Variants in CCDC7 observed in about 807,000 individuals in gnomAD.
CCDC7 encodes the protein coiled-coil domain-containing protein 7.
In CCDC7, 183 loss-of-function variants were observed where a neutral mutation model predicts 196.9. The observed-to-expected ratio is 0.93, with a 90% confidence interval of 0.82 to 1.05. CCDC7 has a LOEUF of 1.05. Ranked by LOEUF, CCDC7 falls within the 50% of genes least tolerant of loss-of-function variation. The probability of loss-of-function intolerance (pLI) is 0.00; values close to 1 mark genes in which losing one functional copy is unlikely to be tolerated. For synonymous variants in CCDC7, 525 were observed against 484.6 expected (o/e 1.08, Z -1.10); for missense variants, 1,540 against 1,482.2 (o/e 1.04, Z -0.64).
chr10:32,685,884 T>C (rs1257100073), intron 21 of CCDC7, 86 bp from the exon 23 acceptor site: 2 of 740,864 alleles, frequency 2.7e-6, no homozygotes, highest in Admixed American at 3.1e-5. Flanking sequence ...AATGCTCATG[T>C]AAATGTTTTA....
At chr10:32,500,244 C>T (rs988231769) in intron 9 of CCDC7, among the ~76,000 whole-genome samples, 1 of 150,850 alleles carries the variant, frequency 6.6e-6, no homozygotes, top group Admixed American at 6.6e-5. Flanking sequence ...CCCCCGACCT[C>T]CTGGACGGGG....
intron 13 of CCDC7, among the ~76,000 whole-genome samples, chr10:32,547,832 T>C (rs527253642): frequency 1.3e-5 from 2 of 152,266 alleles, no homozygotes; most frequent in African/African-American, 4.8e-5. Flanking sequence ...GTCCAGGTGG[T>C]ATTTGGTTAC....
chr10:32,834,199 G>A (rs979745714), intron 32 of CCDC7, among the ~76,000 whole-genome samples: 2 of 151,948 alleles, frequency 1.3e-5, no homozygotes, highest in African/African-American at 4.8e-5. Context: ...ACCTGAGAGG[G>A]CACGTTCTAC....
At chr10:32,703,187 G>A (rs2079064322) in intron 24 of CCDC7, among the ~76,000 whole-genome samples, 2 of 152,024 alleles carry the variant, frequency 1.3e-5, no homozygotes, top group African/African-American at 2.4e-5. Flanking sequence ...GCTTCCTTCA[G>A]GAGCTCTTTT....
At chr10:32,778,639 C>T (rs1035155248) in intron 28 of CCDC7, among the ~76,000 whole-genome samples, 3 of 152,106 alleles carry the variant, frequency 2.0e-5, no homozygotes, top group African/African-American at 7.2e-5. Flanking sequence ...GTTCTTTTTG[C>T]TTAGGATTGC....
chr10:32,594,746 G>A (rs998176449), intron 18 of CCDC7, among the ~76,000 whole-genome samples: 2 of 152,138 alleles, frequency 1.3e-5, no homozygotes, highest in African/African-American at 4.8e-5. Flanking sequence ...TTTATTGAGA[G>A]TTTTTAGCAT....
chr10:32,756,572 A>C (rs2076487005), intron 28 of CCDC7, among the ~76,000 whole-genome samples: 1 of 152,222 alleles, frequency 6.6e-6, no homozygotes, highest in African/African-American at 2.4e-5. Context: ...TGTCACCACC[A>C]GGCCTGCCTT....
chr10:32,770,268 C>T (rs1228925511), intron 28 of CCDC7, among the ~76,000 whole-genome samples: 2 of 152,150 alleles, frequency 1.3e-5, no homozygotes, highest in African/African-American at 2.4e-5. Flanking sequence ...TAACTTCTCT[C>T]TTAGCACTGC....
intron 18 of CCDC7, among the ~76,000 whole-genome samples, chr10:32,621,489 T>C (rs187602141): frequency 2.2e-4 from 33 of 152,290 alleles, no homozygotes; most frequent in Admixed American, 1.8e-3. Context: ...TCTATCAATA[T>C]ATAGATACAC....
intron 18 of CCDC7, among the ~76,000 whole-genome samples, chr10:32,608,994 A>G (rs1197739562): frequency 1.3e-5 from 2 of 152,188 alleles, no homozygotes; most frequent in Admixed American, 1.3e-4. Flanking sequence ...ATGATCTTGT[A>G]TTTTAAAAAT....
At chr10:32,786,003 A>G (rs575113549) in intron 29 of CCDC7, among the ~76,000 whole-genome samples, 19 of 152,292 alleles carry the variant, frequency 1.2e-4, no homozygotes, top group African/African-American at 4.6e-4. Flanking sequence ...TCTGGGCTCA[A>G]TGCAAGCCTA....
intron 16 of CCDC7, among the ~76,000 whole-genome samples, chr10:32,578,470 GT>G (rs1405574768): frequency 6.6e-6 from 1 of 151,374 alleles, no homozygotes; most frequent in Non-Finnish European, 1.5e-5. Context: ...CCCTGAGCTT[GT>G]TTTCCTGCAA....
At chr10:32,636,845 A>G (rs566200080) in intron 20 of CCDC7, among the ~76,000 whole-genome samples, 265 of 152,314 alleles carry the variant, frequency 1.7e-3, no homozygotes, top group Middle Eastern at 0.014. Context: ...AGTCCCACCA[A>G]CAGTGTAAAA....
chr10:32,666,910 C>G (rs2072896546), intron 21 of CCDC7, among the ~76,000 whole-genome samples: 1 of 152,086 alleles, frequency 6.6e-6, no homozygotes, highest in Non-Finnish European at 1.5e-5. Flanking sequence ...ATGGCTGGGT[C>G]AAATGGTATT....
At chr10:32,467,263 G>A (rs7906869) in intron 5 of CCDC7, among the ~76,000 whole-genome samples, 6,283 of 90,408 alleles carry the variant, frequency 0.069, 140 homozygotes, top group Middle Eastern at 0.079. Context: ...CACCATGCCC[G>A]GCTAATTTTT....
At chr10:32,846,383 T>A (rs1184649725) in exon 37 of CCDC7, 51 of 1,563,892 alleles carry the variant, frequency 3.3e-5, no homozygotes, top group Non-Finnish European at 4.5e-5. Flanking sequence ...TAGAGACTGA[T>A]AAAGAACTCT....
chr10:32,723,236 C>T (rs12219175), intron 25 of CCDC7, among the ~76,000 whole-genome samples: 5 of 151,964 alleles, frequency 3.3e-5, no homozygotes, highest in Admixed American at 6.6e-5. Flanking sequence ...GGAGAGAGTG[C>T]GTGATTACCA....
chr10:32,531,747 A>G (rs987105609), intron 11 of CCDC7, among the ~76,000 whole-genome samples: 2 of 152,020 alleles, frequency 1.3e-5, no homozygotes, highest in African/African-American at 4.8e-5. Flanking sequence ...TGGTTTGCTG[A>G]TGTTTTCTAT....
chr10:32,511,618 A>G (rs2046222612), intron 9 of CCDC7: 40 of 1,588,854 alleles, frequency 2.5e-5, no homozygotes, highest in Non-Finnish European at 3.3e-5. Context: ...GCAACAACTC[A>G]TTTCTAGAAA....
Sources: gnomAD v4.1 joint callset for allele counts (sites outside exome capture counted in the v4.1 genomes callset) on GRCh38, gnomAD v4.1.1 for gene constraint, MANE v1.5 for transcripts, NCBI Gene and HGNC (gene_info 2026-07-23, HGNC 2026-07-21) for gene names.